Variants in IQCJ observed in about 807,000 individuals in gnomAD.
The protein encoded by IQCJ is IQ motif containing J.
In IQCJ, 9 loss-of-function variants were observed where a neutral mutation model predicts 11.0. The ratio of observed to expected loss-of-function variants is 0.82; its 90% CI spans 0.49 to 1.43. The LOEUF (loss-of-function observed/expected upper bound fraction) is 1.43, where lower values mean the gene tolerates loss of function less well. Among genes scored for constraint, IQCJ ranks in the 40% most tolerant of loss-of-function variants. The probability of loss-of-function intolerance (pLI) is 0.00; values close to 1 mark genes in which losing one functional copy is unlikely to be tolerated. For synonymous variants in IQCJ, 55 were observed against 51.3 expected, an observed-to-expected ratio of 1.07 and a Z score of -0.31; for missense variants, 146 against 133.2, an observed-to-expected ratio of 1.10 and a Z score of -0.47.
chr3:159,139,528 A>G (rs959452303), intron 1 of IQCJ, among the ~76,000 whole-genome samples: 2 of 152,140 alleles, frequency 1.3e-5, no homozygotes, highest in Non-Finnish European at 2.9e-5. Context: ...ACTTTCCCCC[A>G]GCTGAAGTCT....
chr3:159,073,950 T>A (rs576629015), intron 1 of IQCJ, among the ~76,000 whole-genome samples: 1 of 152,188 alleles, frequency 6.6e-6, no homozygotes, highest in South Asian at 2.1e-4. Flanking sequence ...TCGGAATTTG[T>A]AGAGTTAAGA....
At chr3:159,249,148 G>A (rs1727446364) in intron 2 of IQCJ, among the ~76,000 whole-genome samples, 1 of 152,028 alleles carries the variant, frequency 6.6e-6, no homozygotes. Flanking sequence ...GAGCCACTGC[G>A]CTCAACCCAT....
chr3:159,262,521 GT>G (rs748254612), intron 3 of IQCJ, 26 bp from the exon 4 acceptor site: 2 of 1,608,794 alleles, frequency 1.2e-6, no homozygotes, highest in Non-Finnish European at 1.7e-6. Flanking sequence ...TGTGTGTGCT[GT>G]TTTTTGTTTT....
intron 1 of IQCJ, among the ~76,000 whole-genome samples, chr3:159,244,082 G>A (rs963916781): frequency 2.0e-5 from 3 of 152,142 alleles, no homozygotes; most frequent in African/African-American, 7.2e-5. Flanking sequence ...TGGGTAGGAG[G>A]GTATGAGCAG....
At chr3:159,159,748 T>A (rs988195553) in intron 1 of IQCJ, among the ~76,000 whole-genome samples, 1 of 152,146 alleles carries the variant, frequency 6.6e-6, no homozygotes, top group African/African-American at 2.4e-5. Context: ...TGAGGGTGGA[T>A]CCCTCGTAAA....
At chr3:159,228,663 C>T (rs1411181678) in intron 1 of IQCJ, among the ~76,000 whole-genome samples, 4 of 151,662 alleles carry the variant, frequency 2.6e-5, no homozygotes, top group Non-Finnish European at 5.9e-5. Flanking sequence ...TAGTGGCGGG[C>T]GCCTGTAGTC....
intron 1 of IQCJ, among the ~76,000 whole-genome samples, chr3:159,187,735 T>C (rs956442130): frequency 6.6e-6 from 1 of 152,224 alleles, no homozygotes; most frequent in African/African-American, 2.4e-5. Context: ...GAGCTGTGTC[T>C]CACAGTGTCC....
At chr3:159,074,049 A>T (rs1300284626) in intron 1 of IQCJ, among the ~76,000 whole-genome samples, 3 of 152,120 alleles carry the variant, frequency 2.0e-5, no homozygotes, top group Admixed American at 2.0e-4. Flanking sequence ...GAATATATGG[A>T]AATTAATGGA....
intron 1 of IQCJ, among the ~76,000 whole-genome samples, chr3:159,156,674 G>C (rs1721538010): frequency 6.6e-6 from 1 of 152,144 alleles, no homozygotes; most frequent in Admixed American, 6.5e-5. Context: ...TCATATCTTG[G>C]GGAAGGAGTG....
intron 1 of IQCJ, among the ~76,000 whole-genome samples, chr3:159,124,785 T>G (rs185396833): frequency 3.3e-5 from 5 of 152,308 alleles, no homozygotes; most frequent in Non-Finnish European, 7.4e-5. Flanking sequence ...GTTGAATGAA[T>G]GAATAAATGT....
intron 1 of IQCJ, among the ~76,000 whole-genome samples, chr3:159,154,968 A>AC (rs1011143868): frequency 4.0e-5 from 6 of 148,780 alleles, no homozygotes; most frequent in Non-Finnish European, 8.9e-5. Flanking sequence ...TGTATTTCCC[A>AC]CCCCCGCTTT....
rs560326069 is a variant in IQCJ at position 159,072,576 on chromosome 3, T to C, written c.9+3135T>C. On this transcript the variant is annotated intron_variant, in intron 1 of 3. Coordinates refer to ENST00000397832, the MANE Select transcript of IQCJ (RefSeq NM_001042706.3). ...GGAAAATTATTTGATTAAGTAAACA[T>C]TTCTCCTATTTTGTTATGCCAAACA... is the stretch of plus-strand genomic sequence containing the variant. Among the ~76,000 whole-genome samples, 296 of 152,250 alleles carry C rather than the reference T, an allele frequency of 1.9e-3. 3 individuals are homozygous for C. The highest frequency in any genetic ancestry group is 3.1e-4 in the Non-Finnish European group (21 of 68,004).
intron 1 of IQCJ, among the ~76,000 whole-genome samples, chr3:159,189,319 G>A (rs983136759): frequency 2.0e-5 from 3 of 152,114 alleles, no homozygotes; most frequent in Admixed American, 6.5e-5. Flanking sequence ...TTGAGGCTGG[G>A]GACAAGGGGA....
At chr3:159,101,750 T>C (rs917409130) in intron 1 of IQCJ, among the ~76,000 whole-genome samples, 2 of 152,320 alleles carry the variant, frequency 1.3e-5, no homozygotes, top group East Asian at 3.9e-4. Flanking sequence ...CCCCAAGTCT[T>C]TCTGAGATCA....
At chr3:159,224,251 T>A (rs1243948532) in intron 1 of IQCJ, among the ~76,000 whole-genome samples, 1 of 152,086 alleles carries the variant, frequency 6.6e-6, no homozygotes, top group African/African-American at 2.4e-5. Flanking sequence ...TAGAACAATT[T>A]GAGTTATAGT....
intron 1 of IQCJ, among the ~76,000 whole-genome samples, chr3:159,166,919 T>A (rs541088224): frequency 4.5e-4 from 68 of 152,320 alleles, no homozygotes; most frequent in Non-Finnish European, 7.5e-4. Flanking sequence ...ATGGGGCATG[T>A]GTCTAATGCA....
At chr3:159,179,415 C>G (rs1406828185) in intron 1 of IQCJ, among the ~76,000 whole-genome samples, 1 of 152,118 alleles carries the variant, frequency 6.6e-6, no homozygotes, top group Non-Finnish European at 1.5e-5. Context: ...ATTTCAAGGA[C>G]TTTCCAGGAA....
chr3:159,236,199 A>G (rs984389861), intron 1 of IQCJ, among the ~76,000 whole-genome samples: 1 of 151,892 alleles, frequency 6.6e-6, no homozygotes, highest in South Asian at 2.1e-4. Flanking sequence ...TCCCTGTGTG[A>G]AATTTACAGG....
intron 1 of IQCJ, among the ~76,000 whole-genome samples, chr3:159,229,246 T>C (rs1237654343): frequency 2.0e-5 from 3 of 151,404 alleles, no homozygotes; most frequent in Non-Finnish European, 4.4e-5. Flanking sequence ...AGTCGGCCAA[T>C]AAGGAGCAAC....
Sources: gnomAD v4.1 joint callset for allele counts (sites outside exome capture counted in the v4.1 genomes callset) on GRCh38, gnomAD v4.1.1 for gene constraint, MANE v1.5 for transcripts, NCBI Gene and HGNC (gene_info 2026-07-23, HGNC 2026-07-21) for gene names.